Variants in ADI1 observed in about 807,000 individuals in gnomAD.
ADI1 encodes the protein acireductone dioxygenase.
In ADI1, 21 loss-of-function variants were observed where a neutral mutation model predicts 18.7. The observed-to-expected ratio is 1.13, with a 90% CI of 0.80 to 1.62. The LOEUF (loss-of-function observed/expected upper bound fraction) is 1.62, where lower values mean the gene tolerates loss of function less well. Among genes scored for constraint, ADI1 ranks in the 40% most tolerant of loss-of-function variants. The pLI is 0.00. For synonymous variants in ADI1, 90 were observed against 100.1 expected (o/e 0.90, Z 0.60); for missense variants, 245 against 254.9 (o/e 0.96, Z 0.26).
At chr2:3,499,212 TTAACAATTTAGGCCACATTTTATTCG>T in intron 3 of ADI1, 130 bp from the exon 4 acceptor site, 1 of 1,402,976 alleles carries the variant, frequency 7.1e-7, no homozygotes. Flanking sequence ...TTCTGCGTCT[TTAACAATTTAGGCCACATTTTATTCG>T]TGGAAGGAAA....
At chr2:3,516,789 C>T in intron 1 of ADI1, 1 of 985,406 alleles carries the variant, frequency 1.0e-6, no homozygotes, top group Non-Finnish European at 1.2e-6. Flanking sequence ...TTTTAGAACT[C>T]TATGTCACTA....
intron 3 of ADI1, 96 bp downstream of exon 3, chr2:3,500,718 T>C (rs748277495): frequency 2.6e-6 from 4 of 1,546,968 alleles, no homozygotes; most frequent in Admixed American, 1.7e-5. Flanking sequence ...GCGACCGCGC[T>C]TGGAGTCTGC....
At chr2:3,503,912 G>C (rs943687953) in intron 2 of ADI1, among the ~76,000 whole-genome samples, 1 of 152,196 alleles carries the variant, frequency 6.6e-6, no homozygotes, top group Non-Finnish European at 1.5e-5. Context: ...ACAGAGAAGA[G>C]GGGGACATGC....
chr2:3,504,733 T>C (rs980668647), intron 2 of ADI1, among the ~76,000 whole-genome samples: 8 of 152,204 alleles, frequency 5.3e-5, no homozygotes, highest in African/African-American at 1.9e-4. Flanking sequence ...TGCGTATGTT[T>C]GTATTGTCTG....
At chr2:3,514,134 A>G (rs1667350003) in intron 1 of ADI1, among the ~76,000 whole-genome samples, 158 bp from the exon 2 acceptor site, 2 of 152,164 alleles carry the variant, frequency 1.3e-5, no homozygotes, top group Admixed American at 1.3e-4. Flanking sequence ...TAGCCATTTA[A>G]TGGATTTTCC....
chr2:3,500,384 G>A (rs1666967520), intron 3 of ADI1, among the ~76,000 whole-genome samples: 4 of 60,022 alleles, frequency 6.7e-5, no homozygotes, highest in Admixed American at 5.9e-4. Flanking sequence ...TTCCAAAACT[G>A]AAATGTTTTT....
At position 3,519,453 on chromosome 2, in the gene ADI1, CCCGGGGCGT is replaced by C; in HGVS notation, c.26_34del (p.Asp9_Pro11del). ...GGGGCGGTGGGGTTGCCGCGGGTCG[CCCGGGGCGT>C]CGTCCATATACCAGGCCTGCACCAT... On this transcript the variant is annotated inframe_deletion, in exon 1 of 4. Coordinates refer to ENST00000327435, the MANE Select transcript of ADI1 (RefSeq NM_018269.4). The C allele has an allele frequency of 7.4e-7, 1 of 1,355,424 alleles. No homozygotes were observed. The highest frequency in any genetic ancestry group is 9.4e-7 in the Non-Finnish European group (1 of 1,058,634). 84.0% of individuals were successfully genotyped at this position (1,355,424 alleles called of 1,614,324 possible).
chr2:3,500,462 A>C, intron 3 of ADI1: 2 of 411,236 alleles, frequency 4.9e-6, no homozygotes, highest in South Asian at 3.5e-5. Flanking sequence ...CTGGGGTGAC[A>C]ACCCTAGAGA....
chr2:3,508,728 C>T (rs1045433407), intron 2 of ADI1, among the ~76,000 whole-genome samples: 1 of 151,974 alleles, frequency 6.6e-6, no homozygotes, highest in South Asian at 2.1e-4. Context: ...ATAGGGAGAC[C>T]CCACCTCTAT....
At chr2:3,510,952 T>C (rs1480407222) in intron 2 of ADI1, among the ~76,000 whole-genome samples, 6 of 152,244 alleles carry the variant, frequency 3.9e-5, no homozygotes, top group Non-Finnish European at 8.8e-5. Context: ...TACTCTGATA[T>C]GAAATCCAAA....
At chr2:3,511,808 A>C (rs1667299868) in intron 2 of ADI1, among the ~76,000 whole-genome samples, 1 of 152,242 alleles carries the variant, frequency 6.6e-6, no homozygotes, top group Non-Finnish European at 1.5e-5. Flanking sequence ...TGATAGTCAT[A>C]CAGACAATAA....
chr2:3,500,679 G>C, intron 3 of ADI1, 135 bp downstream of exon 3: 1 of 1,190,292 alleles, frequency 8.4e-7, no homozygotes, highest in Non-Finnish European at 1.2e-6. Context: ...GACTCTCCTT[G>C]AAGCACAGGT....
chr2:3,519,303 G>A lies in ADI1; in HGVS notation c.120+65C>T. On this transcript the variant is annotated intron_variant, in intron 1 of 3. Transcript: ENST00000327435. ...CGCTGCCCGGCACCTGGAGGAGGCT[G>A]GGCTGTGCGCGGCGTTTGGGGGTCG... The A allele has an allele frequency of 3.0e-6, 4 of 1,338,668 alleles. No homozygotes were observed. The South Asian group carries it at 7.4e-5, about 25-fold the overall frequency. The allele number at this position is 1,338,668 out of a possible 1,614,324, so 82.9% of individuals were successfully genotyped here. A position where few individuals can be genotyped will look rare whatever the true frequency, so the allele number is the denominator to read the frequency against.
chr2:3,514,518 T>C (rs545058819), intron 1 of ADI1, among the ~76,000 whole-genome samples: 2 of 152,350 alleles, frequency 1.3e-5, no homozygotes, highest in African/African-American at 4.8e-5. Context: ...TAAAGAACTC[T>C]ACATTCTAAA....
intron 2 of ADI1, among the ~76,000 whole-genome samples, chr2:3,510,101 C>T (rs1236696444): frequency 6.6e-6 from 1 of 150,892 alleles, no homozygotes; most frequent in African/African-American, 2.4e-5. Flanking sequence ...CGAGATTGTG[C>T]CATTGCACTC....
chr2:3,519,271 C>T, intron 1 of ADI1, 97 bp downstream of exon 1: 2 of 1,307,254 alleles, frequency 1.5e-6, no homozygotes, highest in South Asian at 4.0e-5. Context: ...TGCCGCGGCT[C>T]CCAGGCCGCT....
intron 2 of ADI1, among the ~76,000 whole-genome samples, chr2:3,503,228 ACT>A (rs55652004): frequency 0.12 from 10,633 of 91,326 alleles, 2,410 homozygotes; most frequent in African/African-American, 0.39. Context: ...CACACGTAAC[ACT>A]CTCTCATGTG....
At chr2:3,514,126 G>A in intron 1 of ADI1, 150 bp from the exon 2 acceptor site, 3 of 947,426 alleles carry the variant, frequency 3.2e-6, no homozygotes, top group Non-Finnish European at 4.5e-6. Flanking sequence ...ATCTCCTCTA[G>A]CCATTTAATG....
chr2:3,519,401 C>A lies in ADI1; in HGVS notation c.87G>T (p.Glu29Asp). The A allele has an allele frequency of 7.1e-7, 1 of 1,408,322 alleles. No homozygotes were observed. Among genetic ancestry groups the A allele is most frequent in the South Asian group, 1.5e-5 (1 of 65,738 alleles). 87.2% of individuals were successfully genotyped at this position (1,408,322 alleles called of 1,614,324 possible). A position where few individuals can be genotyped will look rare whatever the true frequency, so the allele number is the denominator to read the frequency against. ...RPDPGRPVGL[E>D]QLRRLGVLYW... ...AGAGCACCCCGAGCCGCCGCAGCTG[C>A]TCCAGGCCCACTGGGCGGCCGGGGT... Residue 29 changes from glutamate to aspartate, a missense_variant, in exon 1 of 4, where the codon GAG becomes GAT. Transcript: ENST00000327435.
Sources: allele counts gnomAD v4.1 joint callset (sites outside exome capture counted in the v4.1 genomes callset), GRCh38; gene constraint gnomAD v4.1.1; transcripts MANE v1.5; gene names NCBI Gene and HGNC (gene_info 2026-07-23, HGNC 2026-07-21).